MAG: variants seen among roughly 807,000 people sequenced by gnomAD.
The protein encoded by MAG is myelin associated glycoprotein.
MAG carries 30 observed loss-of-function variants against 60.7 expected under a neutral mutation model. The observed-to-expected ratio is 0.49, with a 90% confidence interval of 0.37 to 0.67. The LOEUF is 0.67. Ranked by LOEUF, MAG falls within the 30% of genes least tolerant of loss-of-function variation. The probability of loss-of-function intolerance (pLI) is 0.00; values close to 1 mark genes in which losing one functional copy is unlikely to be tolerated. For missense variants in MAG, 795 were observed against 851.7 expected (o/e 0.93, Z 0.83); for synonymous variants, 384 against 376.8 (o/e 1.02, Z -0.22).
chr19:35,292,644 GGTGTGT>G (rs74172714), intron 1 of MAG, among the ~76,000 whole-genome samples: 2 of 149,996 alleles, frequency 1.3e-5, no homozygotes, highest in South Asian at 2.1e-4. Flanking sequence ...GCACATAGCA[GGTGTGT>G]GTGTGTGTGT....
chr19:35,304,235 GGGGCTGCGT>G (rs1177035390), intron 7 of MAG, among the ~76,000 whole-genome samples: 12 of 152,182 alleles, frequency 7.9e-5, no homozygotes, highest in African/African-American at 2.4e-4. Context: ...ATCCTGGCGC[GGGGCTGCGT>G]GGTCCCCTGC....
Position 35,310,634 on chromosome 19 carries a change from C to CA in MAG, c.1608dup (p.Arg537ThrfsTer44). On this transcript the variant is annotated frameshift_variant, in exon 9 of 11. Coordinates refer to ENST00000392213, the MANE Select transcript of MAG (RefSeq NM_002361.4). LOFTEE classifies it high-confidence loss of function. ...GCCATCGTCTGCTACATTACCCAGA[C>CA]ACGCAGGAAGTGAGTGCCAGCTGGG... 6.2e-7 allele frequency: 1 copy of CA among 1,614,072 alleles called. No individual in the cohort carries two copies. Among genetic ancestry groups the CA allele is most frequent in the Non-Finnish European group, 8.5e-7 (1 of 1,180,022 alleles).
At chr19:35,299,447 T>A in intron 4 of MAG, 107 bp from the exon 5 acceptor site, 1 of 705,762 alleles carries the variant, frequency 1.4e-6, no homozygotes, top group Non-Finnish European at 2.2e-6. Flanking sequence ...CGTTGAGGAG[T>A]ACCATTGCCA....
intron 10 of MAG, 106 bp downstream of exon 10, chr19:35,312,123 C>G: frequency 7.7e-7 from 1 of 1,293,682 alleles, no homozygotes; most frequent in Non-Finnish European, 1.1e-6. Context: ...AGCGGCCTCT[C>G]ACAGGAGGAG....
In MAG at chr19:35,300,200, C is replaced by A; in HGVS notation, c.766C>A (p.His256Asn). 6.4e-7 allele frequency: 1 copy of A among 1,573,568 alleles called. No homozygotes were observed. ...NSSVEAIEGS[H>N]VSLLCGADSN... is the part of the protein sequence containing the mutation. The stretch of plus-strand genomic sequence containing the variant: ...CTCGGTGGAGGCCATCGAGGGCTCC[C>A]ACGTGAGCCTGCTCTGTGGGGCTGA... The change falls in exon 6 of 11, where the codon CAC becomes AAC. Residue 256 changes from histidine to asparagine, a missense_variant. Coordinates refer to ENST00000392213, the MANE Select transcript of MAG (RefSeq NM_002361.4).
At chr19:35,310,753 A>C (rs576709324) in intron 9 of MAG, 110 bp downstream of exon 9, 110 of 872,968 alleles carry the variant, frequency 1.3e-4, no homozygotes, top group Non-Finnish European at 6.3e-5. Flanking sequence ...AGTGTAGAGA[A>C]GGCAGATTCT....
chr19:35,301,539 C>T (rs1313116932), intron 6 of MAG, among the ~76,000 whole-genome samples: 1 of 147,510 alleles, frequency 6.8e-6, no homozygotes, highest in East Asian at 2.0e-4. Flanking sequence ...TCAAGCAATT[C>T]TCCTGCCTCA....
chr19:35,298,800 C>T (rs1412244455), intron 4 of MAG, among the ~76,000 whole-genome samples: 2 of 150,392 alleles, frequency 1.3e-5, no homozygotes, highest in Non-Finnish European at 3.0e-5. Flanking sequence ...ACACAACACC[C>T]CACACACACT....
chr19:35,300,584 G>A (rs1362926648), intron 6 of MAG, among the ~76,000 whole-genome samples, 180 bp downstream of exon 6: 1 of 152,196 alleles, frequency 6.6e-6, no homozygotes, highest in Non-Finnish European at 1.5e-5. Context: ...ACAAGAATCT[G>A]GGGAACACCT....
intron 7 of MAG, among the ~76,000 whole-genome samples, chr19:35,303,400 G>A (rs2066463035): frequency 6.6e-6 from 1 of 152,162 alleles, no homozygotes; most frequent in South Asian, 2.1e-4. Flanking sequence ...TCATGAGGGA[G>A]GTTCTATTAC....
Position 35,310,318 on chromosome 19 carries a change from G to C in MAG, c.1519+157G>C, listed in dbSNP as rs73031732. Among the ~76,000 whole-genome samples the C allele has an allele frequency of 0.11, 16,096 of 152,292 alleles. 1,157 individuals are homozygous for C. Among genetic ancestry groups the C allele is most frequent in the Non-Finnish European group, 0.16 (11,145 of 68,004 alleles). ...CCGGTTGGAGAGGAGAAGCCGCCCT[G>C]AGTTTGCCCCGAGTTTGCTAGGACC... is the stretch of plus-strand genomic sequence containing the variant. On this transcript the variant is annotated intron_variant, in intron 8 of 10. Coordinates refer to ENST00000392213, the MANE Select transcript of MAG (RefSeq NM_002361.4).
chr19:35,299,043 CCACA>C lies in MAG; in HGVS notation c.416-494_416-491del, dbSNP rs112793426. ...TACACACATGCACCACACACCCACA[CCACA>C]CACACACACACACACATACCTACAC... On this transcript the variant is annotated intron_variant, in intron 4 of 10. Transcript: ENST00000392213. Among the ~76,000 whole-genome samples, 36 of 149,142 alleles carry C rather than the reference CCACA, an allele frequency of 2.4e-4. No individual in the cohort carries two copies. The South Asian group carries it at 3.0e-3, about 12-fold the overall frequency.
chr19:35,301,377 G>A (rs530815034), intron 6 of MAG, among the ~76,000 whole-genome samples: 1 of 151,272 alleles, frequency 6.6e-6, no homozygotes, highest in African/African-American at 2.4e-5. Flanking sequence ...CCAGCACTGG[G>A]GATATTAATA....
chr19:35,310,309 A>G, intron 8 of MAG, 148 bp downstream of exon 8: 1 of 1,181,138 alleles, frequency 8.5e-7, no homozygotes, highest in South Asian at 1.6e-5. Flanking sequence ...GGAGAGGAGA[A>G]GCCGCCCTGA....
chr19:35,302,859 C>G (rs902511256), intron 7 of MAG, 151 bp downstream of exon 7: 7 of 910,358 alleles, frequency 7.7e-6, no homozygotes, highest in African/African-American at 5.1e-5. Flanking sequence ...GAATTCACAG[C>G]AGGAAAATAA....
In MAG at chr19:35,295,760, A is replaced by C; in HGVS notation, c.194A>C (p.Tyr65Ser). Residue 65 changes from tyrosine to serine, a missense_variant, in exon 4 of 11, where the codon TAC becomes TCC. Physicochemically the swap from Tyr to Ser is moderately radical, Grantham distance 144. Coordinates refer to ENST00000392213, the MANE Select transcript of MAG (RefSeq NM_002361.4). This position sits in a 1 kb window ranked among gnomAD's most constrained non-coding sequence, Gnocchi z 5.8. The part of the protein sequence containing the change: ...VHGVWYFNSP[Y>S]PKNYPPVVFK... ...GGTGTCTGGTACTTCAATAGCCCCT[A>C]CCCCAAGAACTACCCCCCGGTGGTC... 6.2e-7 allele frequency: 1 copy of C among 1,613,660 alleles called. No homozygotes were observed.
Position 35,311,872 on chromosome 19 carries a change from G to A in MAG, c.1617-46G>A, listed in dbSNP as rs188590042. Reference sequence around the variant, plus strand: ...CCAAACTCCTAAAACACGTGGGGGTGCAGAAAGGGAGGGCAGAGAGAGGTC... The same window carrying A: ...CCAAACTCCTAAAACACGTGGGGGTACAGAAAGGGAGGGCAGAGAGAGGTC... On this transcript the variant is annotated intron_variant, in intron 9 of 10. Transcript: ENST00000392213. 2.2e-5 allele frequency: 30 copies of A among 1,371,488 alleles called. No individual in the cohort carries two copies. In the African/African-American group the frequency reaches 3.7e-4, roughly 17 times the overall value. The allele number at this position is 1,371,488 out of a possible 1,614,324, so 85.0% of individuals were successfully genotyped here.
At chr19:35,302,984 C>T (rs2066460118) in intron 7 of MAG, among the ~76,000 whole-genome samples, 1 of 136,646 alleles carries the variant, frequency 7.3e-6, no homozygotes, top group East Asian at 2.2e-4. Context: ...AGTGCAGTGG[C>T]AGGATCTCGG....
In MAG at chr19:35,310,611, C is replaced by T. The variant is rs1311364490; in HGVS notation, c.1584C>T (p.Ala528=). 3.7e-6 allele frequency: 6 copies of T among 1,614,024 alleles called. No homozygotes were observed. In the South Asian group the frequency reaches 4.4e-5, roughly 12 times the overall value. ...TGGTCGCCTTTGCCATCCTGATTGC[C>T]ATCGTCTGCTACATTACCCAGACAC... The part of the protein sequence containing the change: ...GAVVAFAILI[A]IVCYITQTRR... The change falls in exon 9 of 11, where the codon GCC becomes GCT. Residue 528 remains alanine (A), a synonymous_variant. Transcript: ENST00000392213.
Sources: allele counts gnomAD v4.1 joint callset (sites outside exome capture counted in the v4.1 genomes callset), GRCh38; gene constraint gnomAD v4.1.1; non-coding constraint Gnocchi (gnomAD v3.1); transcripts MANE v1.5; gene names NCBI Gene and HGNC (gene_info 2026-07-23, HGNC 2026-07-21).